The following ZC4H2 variants were observed in gnomAD, a reference collection of about 807,000 sequenced individuals.
ZC4H2 encodes the protein zinc finger C4H2-type containing, also known as zinc finger C4H2 domain-containing protein.
For synonymous variants in ZC4H2, 84 were observed against 66.3 expected (o/e 1.27, Z -1.30); for missense variants, 137 against 173.9 (o/e 0.79, Z 1.19).
intron 1 of ZC4H2, among the ~76,000 whole-genome samples, chrX:64,939,171 G>A (rs1304892395): frequency 8.9e-6 from 1 of 111,801 alleles, no homozygotes; most frequent in Non-Finnish European, 1.9e-5. Flanking sequence ...CAAATCATGA[G>A]TGAACTCCCA....
intron 1 of ZC4H2, among the ~76,000 whole-genome samples, chrX:65,026,625 C>T (rs1200006402): frequency 2.7e-5 from 3 of 110,210 alleles, no homozygotes; most frequent in African/African-American, 9.9e-5. Context: ...AGGAGAATGG[C>T]GTGAACCCGG....
intron 1 of ZC4H2, among the ~76,000 whole-genome samples, chrX:64,933,136 T>G (rs1453822911): frequency 1.8e-5 from 2 of 112,074 alleles, no homozygotes; most frequent in Non-Finnish European, 3.8e-5. Context: ...TTCTTCTACT[T>G]GTTCTAGCTT....
chrX:64,992,312 C>T (rs772229212), intron 1 of ZC4H2, among the ~76,000 whole-genome samples: 23 of 111,386 alleles, frequency 2.1e-4, no homozygotes, highest in Non-Finnish European at 3.8e-4. Context: ...CTCCAATCTC[C>T]GACAGGCTCA....
intron 1 of ZC4H2, among the ~76,000 whole-genome samples, chrX:64,953,308 G>A (rs761231345): frequency 6.4e-4 from 72 of 111,970 alleles, no homozygotes; most frequent in East Asian, 1.7e-3. Context: ...AACAAAAGCC[G>A]AAATTGACAA....
intron 1 of ZC4H2, among the ~76,000 whole-genome samples, chrX:64,969,008 A>G (rs953934089): frequency 9.0e-6 from 1 of 111,599 alleles, no homozygotes; most frequent in African/African-American, 3.3e-5. Flanking sequence ...AGTACAAAAA[A>G]GGGTCTAAAC....
At chrX:64,991,446 C>T (rs749935030) in intron 1 of ZC4H2, among the ~76,000 whole-genome samples, 3 of 111,311 alleles carry the variant, frequency 2.7e-5, no homozygotes, top group South Asian at 3.8e-4. Flanking sequence ...TGCAGTGGTG[C>T]GAGCCTGTAA....
rs774797545 is a variant in ZC4H2 at position 64,919,803 on chromosome X, C to T, written c.398+278G>A. On this transcript the variant is annotated intron_variant, in intron 3 of 4. Coordinates refer to ENST00000374839, the MANE Select transcript of ZC4H2 (RefSeq NM_018684.4). ...AGACATAGTCTTGTATTGTCAATAT[C>T]ACACAAAGAATTTAAAAAGCCACCT... The T allele has an allele frequency of 1.7e-5, 5 of 300,647 alleles. No homozygotes were observed. In the South Asian group the frequency reaches 6.7e-4, roughly 40 times the overall value. The allele number at this position is 300,647 out of a possible 1,213,427, so 24.8% of individuals were successfully genotyped here.
chrX:64,918,510 G>C (rs1263392212), intron 4 of ZC4H2: 1 of 113,765 alleles, frequency 8.8e-6, no homozygotes, highest in Non-Finnish European at 1.8e-5. Flanking sequence ...CCCAGGCTCT[G>C]TGATGTTACA....
intron 1 of ZC4H2, among the ~76,000 whole-genome samples, chrX:65,014,596 C>T (rs1457010277): frequency 8.9e-6 from 1 of 111,907 alleles, no homozygotes; most frequent in African/African-American, 3.2e-5. Context: ...TTCATATTTG[C>T]ACTTTTTGGC....
rs1286024154 is a variant in ZC4H2, at chrX:64,921,727, G to A, written c.225+90C>T. On this transcript the variant is annotated intron_variant, in intron 2 of 4. Transcript: ENST00000374839. ...GCACTGATGCCTGCTCCCCGAGCTA[G>A]GCCTAAGCCACATCTCAAGGAAAGG... 6.9e-6 allele frequency: 7 copies of A among 1,018,902 alleles called. No individual in the cohort carries two copies. The African/African-American group carries it at 7.6e-5, about 11-fold the overall frequency. The allele number at this position is 1,018,902 out of a possible 1,213,427, so 84.0% of individuals were successfully genotyped here.
chrX:65,003,055 A>T (rs1200529141), intron 1 of ZC4H2, among the ~76,000 whole-genome samples: 4 of 93,667 alleles, frequency 4.3e-5, no homozygotes, highest in African/African-American at 7.1e-5. Flanking sequence ...AATGATCAAT[A>T]AAAAAAAAAA....
intron 1 of ZC4H2, among the ~76,000 whole-genome samples, chrX:64,984,366 G>A (rs1485773502): frequency 4.5e-5 from 5 of 111,804 alleles, no homozygotes; most frequent in East Asian, 2.8e-4. Context: ...ATTATTATTC[G>A]AATCAGCCTC....
chrX:65,032,151 T>C (rs186123931), intron 1 of ZC4H2, among the ~76,000 whole-genome samples: 2 of 111,683 alleles, frequency 1.8e-5, no homozygotes, highest in East Asian at 5.6e-4. Context: ...GGAAAGATAT[T>C]GAAGGAGTTT....
Position 64,954,356 on chromosome X carries a change from T to TTATATATATA in ZC4H2, c.53+21959_53+21968dup, listed in dbSNP as rs777562741. On this transcript the variant is annotated intron_variant, in intron 1 of 4. Transcript: ENST00000374839. The stretch of plus-strand genomic sequence containing the variant: ...TATATATAATTATATATATATATAA[T>TTATATATATA]TATATATATATATATAATTATATAT... Among the ~76,000 whole-genome samples the TTATATATATA allele has an allele frequency of 5.0e-4, 34 of 67,370 alleles. 2 individuals carry two copies. The highest frequency in any genetic ancestry group is 4.3e-3 in the African/African-American group (31 of 7,194). 58.5% of individuals were successfully genotyped at this position (67,370 alleles called of 115,157 possible).
intron 4 of ZC4H2, chrX:64,918,107 T>C (rs779454437): frequency 1.0e-5 from 4 of 381,799 alleles, no homozygotes; most frequent in East Asian, 9.4e-5. Context: ...AGAAAAAGTA[T>C]ACAAAACTAG....
At chrX:65,005,925 G>A (rs1275764399) in intron 1 of ZC4H2, among the ~76,000 whole-genome samples, 1 of 110,133 alleles carries the variant, frequency 9.1e-6, no homozygotes, top group East Asian at 2.8e-4. Flanking sequence ...CTCAAGGGAA[G>A]ACATTTATGC....
chrX:65,008,233 A>G lies in ZC4H2; in HGVS notation c.-272+26396T>C, dbSNP rs188632891. ...AAAAAGTTCAACATCACTATTTATC[A>G]GAGAAATGGAAATCAAAACTACGAT... On this transcript the variant is annotated intron_variant, in intron 1 of 4. Transcript: ENST00000337990. 4.9e-3 allele frequency among the ~76,000 whole-genome samples: 551 copies of G among 112,338 alleles called. 2 individuals carry two copies. Among genetic ancestry groups the G allele is most frequent in the Non-Finnish European group, 8.4e-3 (449 of 53,203 alleles).
At chrX:65,004,685 C>T (rs1349666136) in intron 1 of ZC4H2, among the ~76,000 whole-genome samples, 1 of 111,553 alleles carries the variant, frequency 9.0e-6, no homozygotes, top group African/African-American at 3.3e-5. Flanking sequence ...ACATGAATAT[C>T]CTCTCTCACC....
Position 64,944,508 on chromosome X carries a change from A to G in ZC4H2, c.54-22520T>C, listed in dbSNP as rs1008847505. On this transcript the variant is annotated intron_variant, in intron 1 of 4. Transcript: ENST00000374839. ...TGACCTTTTTCTCTGTCTGCCTTTAACATTTTTTCCTTTGTTTCAACCTTG... is the reference window on the plus strand; with the variant it reads ...TGACCTTTTTCTCTGTCTGCCTTTAGCATTTTTTCCTTTGTTTCAACCTTG... 2.7e-5 allele frequency among the ~76,000 whole-genome samples: 3 copies of G among 110,946 alleles called. No individual in the cohort carries two copies. In the Admixed American group the frequency reaches 2.9e-4, roughly 11 times the overall value.
Sources: allele counts gnomAD v4.1 joint callset (sites outside exome capture counted in the v4.1 genomes callset), GRCh38; gene constraint gnomAD v4.1.1; transcripts MANE v1.5; gene names NCBI Gene and HGNC (gene_info 2026-07-23, HGNC 2026-07-21).